EIF3H: variants seen among roughly 807,000 people sequenced by gnomAD.
The protein encoded by EIF3H is eIF-3-gamma.
In EIF3H, 26 loss-of-function variants were observed where a neutral mutation model predicts 44.2. The observed-to-expected ratio is 0.59, with a 90% CI of 0.43 to 0.82. The LOEUF is 0.82. EIF3H is among the 40% of genes least tolerant of loss of function. The probability of loss-of-function intolerance (pLI) is 0.00; values close to 1 mark genes in which losing one functional copy is unlikely to be tolerated. For synonymous variants in EIF3H, 166 were observed against 151.9 expected (o/e 1.09, Z -0.68); for missense variants, 359 against 432.8 (o/e 0.83, Z 1.51).
At chr8:116,721,432 G>C (rs971357261) in intron 2 of EIF3H, among the ~76,000 whole-genome samples, 3 of 152,240 alleles carry the variant, frequency 2.0e-5, no homozygotes, top group Non-Finnish European at 4.4e-5. Context: ...CAGTGCAGAA[G>C]GGAAATGTGG....
At chr8:116,662,556 T>C (rs1813601379) in intron 2 of EIF3H, among the ~76,000 whole-genome samples, 1 of 152,244 alleles carries the variant, frequency 6.6e-6, no homozygotes, top group Non-Finnish European at 1.5e-5. Context: ...TGAACTGCGT[T>C]ATCTCTGTAG....
intron 5 of EIF3H, among the ~76,000 whole-genome samples, chr8:116,654,273 G>A (rs919325571): frequency 2.6e-5 from 4 of 152,090 alleles, no homozygotes; most frequent in Non-Finnish European, 5.9e-5. Context: ...TATTTGTCTA[G>A]GTCTCAGTTG....
intron 1 of EIF3H, among the ~76,000 whole-genome samples, chr8:116,735,731 G>A (rs1363577237): frequency 6.6e-6 from 1 of 151,576 alleles, no homozygotes; most frequent in Non-Finnish European, 1.5e-5. Flanking sequence ...GGAATCTGCT[G>A]TTGATGTATC....
chr8:116,676,794 T>C (rs763099012), intron 2 of EIF3H, among the ~76,000 whole-genome samples: 12 of 152,218 alleles, frequency 7.9e-5, no homozygotes, highest in Non-Finnish European at 1.5e-4. Context: ...GTTCAGTTTC[T>C]TCACTTGGTG....
intron 2 of EIF3H, among the ~76,000 whole-genome samples, chr8:116,720,823 G>C (rs1814731290): frequency 6.6e-6 from 1 of 152,138 alleles, no homozygotes; most frequent in African/African-American, 2.4e-5. Flanking sequence ...CTGAACTTGA[G>C]AGAGATGATT....
chr8:116,724,823 T>C (rs1814807909), intron 2 of EIF3H, among the ~76,000 whole-genome samples: 1 of 152,096 alleles, frequency 6.6e-6, no homozygotes, highest in South Asian at 2.1e-4. Context: ...ATTGGAACCC[T>C]TGTGCAAGGT....
At chr8:116,651,808 A>AT in intron 5 of EIF3H, among the ~76,000 whole-genome samples, 1 of 152,228 alleles carries the variant, frequency 6.6e-6, no homozygotes, top group African/African-American at 2.4e-5. Context: ...GAGGCAGACA[A>AT]CGGTCAAAGT....
At chr8:116,733,525 T>C (rs1232528705) in intron 1 of EIF3H, among the ~76,000 whole-genome samples, 2 of 152,014 alleles carry the variant, frequency 1.3e-5, no homozygotes, top group African/African-American at 4.8e-5. Context: ...ACTCAGGAAA[T>C]CCTAAAGGTT....
chr8:116,644,069 G>GT lies in EIF3H; in HGVS notation c.*936dup, dbSNP rs2130764922. On this transcript the variant is annotated 3_prime_UTR_variant, in exon 8 of 8. Coordinates refer to ENST00000521861, the MANE Select transcript of EIF3H (RefSeq NM_003756.3). ...AATATAAACAAAATGAAGTTTACTT[G>GT]TGGTGGCATGATTCTTTTCTTTAAA... 6.6e-6 allele frequency: 1 copy of GT among 152,262 alleles called. No homozygotes were observed. Among genetic ancestry groups the GT allele is most frequent in the South Asian group, 2.1e-4 (1 of 4,822 alleles). 9.4% of individuals were successfully genotyped at this position (152,262 alleles called of 1,614,324 possible).
At chr8:116,705,616 G>A (rs530721182) in intron 2 of EIF3H, among the ~76,000 whole-genome samples, 7 of 151,738 alleles carry the variant, frequency 4.6e-5, no homozygotes, top group Admixed American at 3.9e-4. Context: ...TCCAAACTGA[G>A]GAACATTTTA....
intron 2 of EIF3H, among the ~76,000 whole-genome samples, chr8:116,676,461 A>G (rs1813849520): frequency 6.6e-6 from 1 of 152,148 alleles, no homozygotes; most frequent in East Asian, 1.9e-4. Flanking sequence ...AAAGGGGGGA[A>G]GAGCCTCTTA....
At chr8:116,656,095 T>C (rs1813484479) in intron 4 of EIF3H, 90 bp from the exon 5 acceptor site, 8 of 1,208,632 alleles carry the variant, frequency 6.6e-6, no homozygotes, top group Non-Finnish European at 9.3e-6. Flanking sequence ...TTACAGGCCC[T>C]ATCCAAGATC....
chr8:116,677,884 C>G (rs998290400), intron 2 of EIF3H, among the ~76,000 whole-genome samples: 11 of 152,088 alleles, frequency 7.2e-5, no homozygotes, highest in African/African-American at 2.2e-4. Context: ...TAAATGGTTA[C>G]CAAAAACTAT....
rs925673011 is a variant in EIF3H at position 116,644,597 on chromosome 8, C to CA, written c.*408dup. Reference sequence around the variant, plus strand: ...TTGGGAGCAGCGAAGTATAAAAATTCAAAAAAAAAATATTCACAGTAGATG... The same window carrying CA: ...TTGGGAGCAGCGAAGTATAAAAATTCAAAAAAAAAAATATTCACAGTAGATG... On this transcript the variant is annotated 3_prime_UTR_variant, in exon 8 of 8. Coordinates refer to ENST00000521861, the MANE Select transcript of EIF3H (RefSeq NM_003756.3). 1.2e-3 allele frequency: 176 copies of CA among 152,592 alleles called. No individual in the cohort carries two copies. Among genetic ancestry groups the CA allele is most frequent in the Middle Eastern group, 3.3e-3 (1 of 306 alleles). 9.5% of individuals were successfully genotyped at this position (152,592 alleles called of 1,614,324 possible). A position where few individuals can be genotyped will look rare whatever the true frequency, so the allele number is the denominator to read the frequency against.
chr8:116,662,883 C>T (rs978277341), intron 2 of EIF3H, among the ~76,000 whole-genome samples: 1 of 152,202 alleles, frequency 6.6e-6, no homozygotes, highest in African/African-American at 2.4e-5. Context: ...AAGAAATTGT[C>T]TTTCCAGATT....
intron 2 of EIF3H, among the ~76,000 whole-genome samples, chr8:116,720,730 C>A (rs1244732913): frequency 2.6e-5 from 4 of 152,078 alleles, no homozygotes; most frequent in Admixed American, 2.6e-4. Flanking sequence ...CTGAGGTGAT[C>A]TCAGAGGAAC....
At chr8:116,752,690 A>G (rs1246506626) in intron 1 of EIF3H, among the ~76,000 whole-genome samples, 2 of 124,644 alleles carry the variant, frequency 1.6e-5, no homozygotes, top group East Asian at 4.9e-4. Context: ...GAAAGAAAGA[A>G]AGAAAGAAAG....
intron 4 of EIF3H, 106 bp downstream of exon 4, chr8:116,657,105 CACAT>C (rs1468341239): frequency 2.2e-6 from 2 of 917,752 alleles, no homozygotes; most frequent in Non-Finnish European, 3.6e-6. Context: ...TTCTACAGTC[CACAT>C]GGCAAAAGCA....
At chr8:116,696,931 A>C (rs1309680717) in intron 2 of EIF3H, 1 of 332,642 alleles carries the variant, frequency 3.0e-6, no homozygotes, top group African/African-American at 2.2e-5. Context: ...CAAAACCAAC[A>C]GTTAAGGCAG....
Sources: allele counts gnomAD v4.1 joint callset (sites outside exome capture counted in the v4.1 genomes callset), GRCh38; gene constraint gnomAD v4.1.1; transcripts MANE v1.5; gene names NCBI Gene and HGNC (gene_info 2026-07-23, HGNC 2026-07-21).